PEX5L: variants seen among roughly 807,000 people sequenced by gnomAD.
The protein encoded by PEX5L is peroxisomal biogenesis factor 5 like, also known as PEX5-related protein.
In PEX5L, 30 loss-of-function variants were observed where a neutral mutation model predicts 84.0. The observed-to-expected ratio is 0.36, with a 90% confidence interval of 0.27 to 0.48. The LOEUF is 0.48. PEX5L is among the 20% of genes least tolerant of loss of function. The pLI is 0.99. For synonymous variants in PEX5L, 270 were observed against 283.1 expected, an observed-to-expected ratio of 0.95 and a Z score of 0.46; for missense variants, 533 against 754.6, an observed-to-expected ratio of 0.71 and a Z score of 3.44.
At chr3:179,893,314 A>T (rs1758166222) in intron 3 of PEX5L, among the ~76,000 whole-genome samples, 1 of 152,136 alleles carries the variant, frequency 6.6e-6, no homozygotes, top group Non-Finnish European at 1.5e-5. Flanking sequence ...GCTCCACTTG[A>T]ATTTCTCAAT....
chr3:179,813,838 G>A (rs1458615503), intron 10 of PEX5L, among the ~76,000 whole-genome samples: 2 of 151,892 alleles, frequency 1.3e-5, no homozygotes, highest in African/African-American at 2.4e-5. Flanking sequence ...CACCGCGCCC[G>A]GCTAATTTTT....
At chr3:179,970,336 C>T (rs1784413370) in intron 2 of PEX5L, among the ~76,000 whole-genome samples, 1 of 151,976 alleles carries the variant, frequency 6.6e-6, no homozygotes, top group South Asian at 2.1e-4. Flanking sequence ...AGACTGCATG[C>T]CCCAAGTATT....
intron 8 of PEX5L, among the ~76,000 whole-genome samples, chr3:179,833,198 A>C (rs755690015): frequency 6.6e-6 from 1 of 152,228 alleles, no homozygotes; most frequent in Non-Finnish European, 1.5e-5. Flanking sequence ...GAAAGGGTGA[A>C]TCTAAGAGGT....
chr3:179,942,149 G>A (rs1010794446), intron 2 of PEX5L, among the ~76,000 whole-genome samples: 3 of 152,168 alleles, frequency 2.0e-5, no homozygotes, highest in Non-Finnish European at 1.5e-5. Flanking sequence ...GTTGCCGTCT[G>A]TATGTACTTC....
At chr3:179,936,059 T>C (rs942892691) in intron 2 of PEX5L, among the ~76,000 whole-genome samples, 1 of 152,148 alleles carries the variant, frequency 6.6e-6, no homozygotes, top group African/African-American at 2.4e-5. Context: ...AATTATCCAG[T>C]CTCAGGTATC....
chr3:179,926,205 G>A (rs1339042191), intron 2 of PEX5L, among the ~76,000 whole-genome samples: 2 of 152,026 alleles, frequency 1.3e-5, no homozygotes, highest in East Asian at 1.9e-4. Context: ...TCTCTCAGCT[G>A]GACTCCTGAA....
intron 2 of PEX5L, among the ~76,000 whole-genome samples, chr3:179,915,031 G>A (rs1229619511): frequency 6.6e-6 from 1 of 152,110 alleles, no homozygotes; most frequent in African/African-American, 2.4e-5. Flanking sequence ...CTTTTTGCTT[G>A]TGATTGAGAA....
At chr3:180,029,649 G>C (rs1404917194) in intron 1 of PEX5L, among the ~76,000 whole-genome samples, 6 of 152,072 alleles carry the variant, frequency 3.9e-5, no homozygotes, top group Non-Finnish European at 5.9e-5. Context: ...TTTCTGCTAG[G>C]GTCTCAGCTC....
intron 8 of PEX5L, among the ~76,000 whole-genome samples, chr3:179,845,898 G>A (rs1243431170): frequency 3.9e-5 from 6 of 152,298 alleles, no homozygotes; most frequent in South Asian, 2.1e-4. Context: ...GGCCAGGCGC[G>A]GTGGCTCACG....
rs72242969 is a variant in PEX5L, at chr3:179,961,201, A to ATGTGTGTG, written c.93+10385_93+10392dup. On this transcript the variant is annotated intron_variant, in intron 2 of 14. Transcript: ENST00000467460. The stretch of plus-strand genomic sequence containing the variant: ...ATTGAATGATCACTTGTGTATGTGT[A>ATGTGTGTG]TGTGTGTGTGTGTGTGTGTGTGTGT... Among the ~76,000 whole-genome samples, 560 of 65,316 alleles carry ATGTGTGTG rather than the reference A, an allele frequency of 8.6e-3. 3 individuals carry two copies. Among genetic ancestry groups the ATGTGTGTG allele is most frequent in the African/African-American group, 0.018 (509 of 27,796 alleles). The allele number at this position is 65,316 out of a possible 152,430, so 42.8% of individuals were successfully genotyped here.
chr3:179,846,483 C>A (rs1043768991), intron 8 of PEX5L, among the ~76,000 whole-genome samples: 1 of 152,152 alleles, frequency 6.6e-6, no homozygotes, highest in African/African-American at 2.4e-5. Flanking sequence ...GTTTCATCAC[C>A]CCCACCACCT....
At chr3:180,017,270 CT>C (rs1368588683) in intron 1 of PEX5L, among the ~76,000 whole-genome samples, 1 of 152,144 alleles carries the variant, frequency 6.6e-6, no homozygotes, top group African/African-American at 2.4e-5. Context: ...GATTTTCTCT[CT>C]GCTGTTTTGG....
intron 13 of PEX5L, among the ~76,000 whole-genome samples, 160 bp downstream of exon 13, chr3:179,808,112 A>G (rs1722119766): frequency 2.0e-5 from 3 of 152,190 alleles, no homozygotes; most frequent in African/African-American, 7.2e-5. Context: ...CAGGTATTTC[A>G]ATATTAACAG....
chr3:179,976,076 A>G (rs1015198182), intron 1 of PEX5L, among the ~76,000 whole-genome samples: 2 of 152,190 alleles, frequency 1.3e-5, no homozygotes, highest in Non-Finnish European at 2.9e-5. Flanking sequence ...AACACAGAGA[A>G]GGAAGAGATG....
intron 2 of PEX5L, among the ~76,000 whole-genome samples, chr3:179,940,251 T>C (rs889375402): frequency 6.6e-6 from 1 of 150,646 alleles, no homozygotes; most frequent in Non-Finnish European, 1.5e-5. Context: ...AGAATGAAGC[T>C]TGGAGGAGAG....
Position 179,900,196 on chromosome 3 carries a change from G to A in PEX5L, c.94-1950C>T, listed in dbSNP as rs1005471246. ...TATAACAAATATTTTTGCAGCTTAC[G>A]TTTTTCAAGAGAGCAAAGTCATTTG... On this transcript the variant is annotated intron_variant, in intron 2 of 14. Coordinates refer to ENST00000467460, the MANE Select transcript of PEX5L (RefSeq NM_016559.3). Among the ~76,000 whole-genome samples the A allele has an allele frequency of 4.6e-5, 7 of 152,066 alleles. 1 individual carries two copies. Among genetic ancestry groups the A allele is most frequent in the African/African-American group, 1.7e-4 (7 of 41,426 alleles).
chr3:179,854,439 C>T (rs1042854809), intron 8 of PEX5L, among the ~76,000 whole-genome samples: 1 of 151,938 alleles, frequency 6.6e-6, no homozygotes, highest in Non-Finnish European at 1.5e-5. Context: ...ACAAAATATG[C>T]CCAATGTTAC....
chr3:179,863,516 A>T (rs1746982901), intron 7 of PEX5L, among the ~76,000 whole-genome samples: 2 of 152,142 alleles, frequency 1.3e-5, no homozygotes, highest in Admixed American at 1.3e-4. Flanking sequence ...TAAAAATGGG[A>T]AAAGGACCTG....
intron 8 of PEX5L, among the ~76,000 whole-genome samples, chr3:179,854,930 G>C (rs1438800327): frequency 6.6e-6 from 1 of 152,216 alleles, no homozygotes; most frequent in Non-Finnish European, 1.5e-5. Context: ...AGGCCTAGGT[G>C]ATGCAATGGC....
Sources: allele counts gnomAD v4.1 joint callset (sites outside exome capture counted in the v4.1 genomes callset), GRCh38; gene constraint gnomAD v4.1.1; transcripts MANE v1.5; gene names NCBI Gene and HGNC (gene_info 2026-07-23, HGNC 2026-07-21).